Variants in CFAP54 observed in about 807,000 individuals in gnomAD.
CFAP54 encodes cilia- and flagella-associated protein 54.
CFAP54 carries 290 observed loss-of-function variants against 370.4 expected under a neutral mutation model. That is an observed-to-expected ratio of 0.78 (90% CI 0.71 to 0.86). CFAP54 has a LOEUF of 0.86. CFAP54 is among the 40% of genes least tolerant of loss of function. The pLI, the probability that CFAP54 is intolerant of heterozygous loss-of-function variation, is 0.00. For synonymous variants in CFAP54, 1,206 were observed against 1,236.5 expected, an observed-to-expected ratio of 0.98 and a Z score of 0.52; for missense variants, 3,399 against 3,528.7, an observed-to-expected ratio of 0.96 and a Z score of 0.93.
intron 17 of CFAP54, among the ~76,000 whole-genome samples, chr12:96,563,191 A>G (rs546838753): frequency 7.2e-5 from 11 of 152,326 alleles, no homozygotes; most frequent in Middle Eastern, 3.4e-3. Flanking sequence ...AGTTTTGATC[A>G]TAGACCACTT....
At chr12:96,775,385 C>A (rs895828994) in intron 60 of CFAP54, among the ~76,000 whole-genome samples, 15 of 152,168 alleles carry the variant, frequency 9.9e-5, no homozygotes, top group Admixed American at 5.2e-4. Flanking sequence ...GCTGAGATGG[C>A]GCTACTGCAC....
chr12:96,790,553 A>G lies in CFAP54; in HGVS notation c.8680-1776A>G, dbSNP rs558794568. ...AAATAAAAGGTATTTTTACTTTTCA[A>G]TACTTATCTAGTTATTGAATATGAA... On this transcript the variant is annotated intron_variant, in intron 62 of 67. Transcript: ENST00000524981. Among the ~76,000 whole-genome samples, 7 of 152,342 alleles carry G rather than the reference A, an allele frequency of 4.6e-5. No individual in the cohort carries two copies. The South Asian group carries it at 6.2e-4, about 14-fold the overall frequency.
intron 22 of CFAP54, among the ~76,000 whole-genome samples, chr12:96,584,650 T>TTA (rs1956059303): frequency 6.6e-6 from 1 of 151,906 alleles, no homozygotes; most frequent in African/African-American, 2.4e-5. Flanking sequence ...TTTTTTTTTT[T>TTA]ATCAATCTCA....
intron 4 of CFAP54, among the ~76,000 whole-genome samples, chr12:96,511,352 T>C (rs1955164799): frequency 6.6e-6 from 1 of 152,228 alleles, no homozygotes; most frequent in African/African-American, 2.4e-5. Context: ...GGAGACTCGC[T>C]CTGTCACCCA....
chr12:96,842,900 T>C (rs1206284093), intron 66 of CFAP54, among the ~76,000 whole-genome samples: 1 of 152,252 alleles, frequency 6.6e-6, no homozygotes, highest in African/African-American at 2.4e-5. Context: ...AATTTCTTTG[T>C]AAGTTATAGA....
chr12:96,542,105 G>C (rs1361651279), intron 14 of CFAP54, among the ~76,000 whole-genome samples: 1 of 152,178 alleles, frequency 6.6e-6, no homozygotes, highest in Non-Finnish European at 1.5e-5. Flanking sequence ...CCCACTTATA[G>C]AGCATGTATG....
chr12:96,682,853 A>G (rs1259528668), intron 40 of CFAP54, among the ~76,000 whole-genome samples: 1 of 152,160 alleles, frequency 6.6e-6, no homozygotes, highest in African/African-American at 2.4e-5. Context: ...GTCCATCACT[A>G]TTGTGAGATT....
At chr12:96,493,098 A>G (rs11108543) in intron 1 of CFAP54, among the ~76,000 whole-genome samples, 3,095 of 152,334 alleles carry the variant, frequency 0.02, 56 homozygotes, top group Non-Finnish European at 0.029. Context: ...AATCTGCGCC[A>G]TCTTTAACAA....
intron 5 of CFAP54, 115 bp downstream of exon 5, chr12:96,513,159 A>G (rs1290411505): frequency 2.7e-6 from 1 of 367,592 alleles, no homozygotes; most frequent in Non-Finnish European, 4.5e-6. Flanking sequence ...GAATTATATA[A>G]TATAAAATTT....
intron 25 of CFAP54, among the ~76,000 whole-genome samples, chr12:96,598,094 A>C (rs532674072): frequency 1.1e-5 from 1 of 93,554 alleles, no homozygotes; most frequent in African/African-American, 4.1e-5. Context: ...ATCTCACACT[A>C]CCTTTGAAAA....
intron 19 of CFAP54, among the ~76,000 whole-genome samples, chr12:96,567,941 A>G (rs967913353): frequency 1.2e-4 from 19 of 152,274 alleles, no homozygotes; most frequent in African/African-American, 4.6e-4. Flanking sequence ...TCTCTTAAAC[A>G]ATGATGTTAT....
intron 65 of CFAP54, among the ~76,000 whole-genome samples, chr12:96,825,497 A>G (rs1397779302): frequency 8.5e-6 from 1 of 118,178 alleles, no homozygotes; most frequent in African/African-American, 3.4e-5. Context: ...TATATAACAT[A>G]CATAATTATA....
rs79336595 is a variant in CFAP54 at position 96,577,165 on chromosome 12, T to G, written c.2796+404T>G. On this transcript the variant is annotated intron_variant, in intron 20 of 67. Coordinates refer to ENST00000524981, the MANE Select transcript of CFAP54 (RefSeq NM_001306084.2). ...CCAGTGATGGTATGAGGCAGCAGAG[T>G]GTGTAAAATTTAGGGGTGATGAGTC... Among the ~76,000 whole-genome samples the G allele has an allele frequency of 8.6e-3, 1,306 of 152,170 alleles. 55 individuals are homozygous for G. In the East Asian group the frequency reaches 0.094, roughly 11 times the overall value.
chr12:96,836,736 A>G (rs1177122870), intron 66 of CFAP54, among the ~76,000 whole-genome samples: 2 of 152,220 alleles, frequency 1.3e-5, no homozygotes, highest in Non-Finnish European at 2.9e-5. Context: ...ATTGATTTAC[A>G]CTACATTATC....
At chr12:96,739,293 TGAA>T (rs1227521161) in intron 50 of CFAP54, among the ~76,000 whole-genome samples, 2 of 152,164 alleles carry the variant, frequency 1.3e-5, no homozygotes, top group African/African-American at 4.8e-5. Context: ...TAAAATATTT[TGAA>T]GAAGTGTGAT....
At chr12:96,850,497 G>C (rs1959510840) in intron 66 of CFAP54, among the ~76,000 whole-genome samples, 1 of 152,152 alleles carries the variant, frequency 6.6e-6, no homozygotes, top group Non-Finnish European at 1.5e-5. Flanking sequence ...TTGTCAGGTA[G>C]GGGAGTGGCA....
intron 48 of CFAP54, among the ~76,000 whole-genome samples, chr12:96,717,872 A>C (rs913267190): frequency 6.6e-6 from 1 of 152,272 alleles, no homozygotes; most frequent in East Asian, 1.9e-4. Context: ...ATCACTAAAT[A>C]CCTAAAAAAT....
chr12:96,826,853 ATATAT>A (rs1419826146), intron 65 of CFAP54, among the ~76,000 whole-genome samples: 9 of 117,728 alleles, frequency 7.6e-5, no homozygotes, highest in East Asian at 7.1e-4. Flanking sequence ...ATATTATATA[ATATAT>A]TATATAATAT....
intron 63 of CFAP54, among the ~76,000 whole-genome samples, chr12:96,803,294 C>G (rs1432666171): frequency 6.6e-6 from 1 of 152,120 alleles, no homozygotes; most frequent in Non-Finnish European, 1.5e-5. Context: ...ACTGCACGAA[C>G]AGTGTAAAAG....
Sources: gnomAD v4.1 joint callset for allele counts (sites outside exome capture counted in the v4.1 genomes callset) on GRCh38, gnomAD v4.1.1 for gene constraint, MANE v1.5 for transcripts, NCBI Gene and HGNC (gene_info 2026-07-23, HGNC 2026-07-21) for gene names.